The following NEK9 variants were observed in gnomAD, a reference collection of about 807,000 sequenced individuals.
NEK9 encodes serine/threonine-protein kinase Nek9.
In NEK9, 75 loss-of-function variants were observed where a neutral mutation model predicts 123.4. The observed-to-expected ratio is 0.61, with a 90% CI of 0.50 to 0.74. The LOEUF (loss-of-function observed/expected upper bound fraction) is 0.74, where lower values mean the gene tolerates loss of function less well. Ranked by LOEUF, NEK9 falls within the 30% of genes least tolerant of loss-of-function variation. The pLI, the probability that NEK9 is intolerant of heterozygous loss-of-function variation, is 0.00. For missense variants in NEK9, 952 were observed against 1,214.4 expected (o/e 0.78, Z 3.21); for synonymous variants, 438 against 458.7 (o/e 0.95, Z 0.58).
chr14:75,093,594 C>A (rs191065569), intron 18 of NEK9, among the ~76,000 whole-genome samples: 3 of 152,276 alleles, frequency 2.0e-5, no homozygotes, highest in Admixed American at 2.0e-4. Flanking sequence ...GCTGGGACTA[C>A]AGGTGTGCAC....
In NEK9 at chr14:75,091,521, G is replaced by A. The variant is rs1040563524; in HGVS notation, c.2234-43C>T. On this transcript the variant is annotated intron_variant, in intron 18 of 21. Coordinates refer to ENST00000238616, the MANE Select transcript of NEK9 (RefSeq NM_033116.6). ...CAGAAATAGACAGCTTTGCTATGCA[G>A]CAAGACAGATTTACCATTTGACAAC... 5.5e-6 allele frequency: 8 copies of A among 1,447,884 alleles called. No homozygotes were observed. The South Asian group carries it at 5.9e-5, about 11-fold the overall frequency. The allele number at this position is 1,447,884 out of a possible 1,614,324, so 89.7% of individuals were successfully genotyped here. A position where few individuals can be genotyped will look rare whatever the true frequency, so the allele number is the denominator to read the frequency against.
chr14:75,101,086 C>A lies in NEK9; in HGVS notation c.1908G>T (p.Lys636Asn), dbSNP rs1176001811. The A allele has an allele frequency of 2.5e-6, 4 of 1,614,266 alleles. No homozygotes were observed. In the African/African-American group the frequency reaches 4.0e-5, roughly 16 times the overall value. ...CCCCCAACAGGTTGATTCCCAGACG[C>A]TTCTTGTAGTTCCCAACGCCCAGCT... ...CGQLGVGNYK[K>N]RLGINLLGGP... Residue 636 changes from lysine to asparagine, a missense_variant, in exon 16 of 22, where the codon AAG (lysine) becomes AAT (asparagine). Around this residue, in one of 4 missense-constraint regions of NEK9, gnomAD observed 698 missense variants for 875.6 expected, o/e 0.80. Transcript: ENST00000238616.
chr14:75,090,972 A>G (rs1423867456), intron 19 of NEK9, among the ~76,000 whole-genome samples: 2 of 152,226 alleles, frequency 1.3e-5, no homozygotes, highest in East Asian at 3.8e-4. Context: ...TGACAGTATA[A>G]AATCTGTAAG....
At chr14:75,127,160 G>A, upstream of NEK9, 1 of 462,422 alleles carries the variant, frequency 2.2e-6, no homozygotes, top group Non-Finnish European at 3.8e-6. Flanking sequence ...TCCCGCTTTC[G>A]GGGAAGGCCT....
intron 4 of NEK9, 65 bp downstream of exon 4, chr14:75,120,445 G>T: frequency 1.9e-6 from 2 of 1,046,764 alleles, no homozygotes; most frequent in South Asian, 1.4e-5. Context: ...GTTGTTGGGG[G>T]GGTATCCACG....
chr14:75,088,399 T>C, intron 20 of NEK9, 81 bp downstream of exon 20: 1 of 1,442,634 alleles, frequency 6.9e-7, no homozygotes, highest in Non-Finnish European at 9.5e-7. Flanking sequence ...ACCCAAAAGC[T>C]AGAGCGAGGC....
intron 16 of NEK9, 136 bp from the exon 17 acceptor site, chr14:75,097,406 A>G: frequency 1.5e-6 from 1 of 674,988 alleles, no homozygotes; most frequent in South Asian, 3.9e-5. Flanking sequence ...TTATTCTCCT[A>G]TATAAAGCTT....
In NEK9 at chr14:75,079,931, A is replaced by T. The variant is rs1410073166; in HGVS notation, c.*4633T>A. 6.6e-6 allele frequency: 1 copy of T among 152,252 alleles called. No homozygotes were observed. The highest frequency in any genetic ancestry group is 1.5e-5 in the Non-Finnish European group (1 of 68,056). 9.4% of individuals were successfully genotyped at this position (152,252 alleles called of 1,614,324 possible). A position where few individuals can be genotyped will look rare whatever the true frequency, so the allele number is the denominator to read the frequency against. On this transcript the variant is annotated 3_prime_UTR_variant, in exon 22 of 22. Transcript: ENST00000238616. ...TGTTATATGTGGGGAGTGCTTTCTAAAAAGGAAGCAGTTGTTTGCTCTCAT... is the reference window on the plus strand; with the variant it reads ...TGTTATATGTGGGGAGTGCTTTCTATAAAGGAAGCAGTTGTTTGCTCTCAT...
Position 75,114,281 on chromosome 14 carries a change from T to C in NEK9, c.795A>G (p.Gln265=). 5 of 1,614,082 alleles carry C rather than the reference T, an allele frequency of 3.1e-6. No individual in the cohort carries two copies. The highest frequency in any genetic ancestry group is 4.2e-6 in the Non-Finnish European group (5 of 1,179,966). The change falls in exon 7 of 22, where the codon CAA becomes CAG. Residue 265 remains glutamine, a synonymous_variant. Coordinates refer to ENST00000238616, the MANE Select transcript of NEK9 (RefSeq NM_033116.6). ...AGTCAACTTCCATGGCCCGAATTCC[T>C]TGCACGATCTTCACACACAGGTTAA... ...NPLNLCVKIV[Q]GIRAMEVDSS... is the part of the protein sequence containing the mutation.
chr14:75,082,756 G>A lies in NEK9; in HGVS notation c.*1808C>T, dbSNP rs1893903302. 5.2e-6 allele frequency: 2 copies of A among 381,308 alleles called. No individual in the cohort carries two copies. Among genetic ancestry groups the A allele is most frequent in the Non-Finnish European group, 9.3e-6 (2 of 215,518 alleles). The allele number at this position is 381,308 out of a possible 1,614,324, so 23.6% of individuals were successfully genotyped here. A position where few individuals can be genotyped will look rare whatever the true frequency, so the allele number is the denominator to read the frequency against. On this transcript the variant is annotated 3_prime_UTR_variant, in exon 22 of 22. Coordinates refer to ENST00000238616, the MANE Select transcript of NEK9 (RefSeq NM_033116.6). ...GGCCTGCTGAGATGATGAGCATGAG[G>A]ATACAGGGACATGACAGGTCAATCG...
At chr14:75,111,271 T>C (rs1276895074) in intron 8 of NEK9, among the ~76,000 whole-genome samples, 2 of 152,178 alleles carry the variant, frequency 1.3e-5, no homozygotes, top group Admixed American at 6.5e-5. Flanking sequence ...CCCAGGGCTG[T>C]CATCCTACCT....
Position 75,101,059 on chromosome 14 carries a change from T to A in NEK9, c.1935A>T (p.Gly645=), listed in dbSNP as rs962726846. The change falls in exon 16 of 22, where the codon GGA becomes GGT. Residue 645 remains glycine (G), a synonymous_variant. Coordinates refer to ENST00000238616, the MANE Select transcript of NEK9 (RefSeq NM_033116.6). ...KKRLGINLLG[G]PLGGKQVIRV... ...TGATCACTTGCTTCCCACCAAGGGG[T>A]CCCCCCAACAGGTTGATTCCCAGAC... 3 of 1,613,924 alleles carry A rather than the reference T, an allele frequency of 1.9e-6. No individual in the cohort carries two copies. The highest frequency in any genetic ancestry group is 2.7e-5 in the African/African-American group (2 of 74,882).
At position 75,126,908 on chromosome 14, in the gene NEK9, C is replaced by T; in HGVS notation, c.14G>A (p.Gly5Asp). MSVL[G>D]EYERHCDSIN... ...GGAATCGCAGTGTCGCTCGTACTCG[C>T]CCAGCACCGACATGGCGGCGGCCGC... is the stretch of plus-strand genomic sequence containing the variant. Residue 5 changes from glycine (G) to aspartate (D), a missense_variant, in exon 1 of 22, where the codon GGC becomes GAC. Transcript: ENST00000238616. 1.3e-6 allele frequency: 2 copies of T among 1,491,440 alleles called. No homozygotes were observed. Among genetic ancestry groups the T allele is most frequent in the South Asian group, 1.3e-5 (1 of 79,236 alleles). 92.4% of individuals were successfully genotyped at this position (1,491,440 alleles called of 1,614,324 possible). A position where few individuals can be genotyped will look rare whatever the true frequency, so the allele number is the denominator to read the frequency against.
Position 75,120,528 on chromosome 14 carries a change from T to C in NEK9, c.506A>G (p.Lys169Arg). The C allele has an allele frequency of 6.2e-7, 1 of 1,612,280 alleles. No individual in the cohort carries two copies. The highest frequency in any genetic ancestry group is 8.5e-7 in the Non-Finnish European group (1 of 1,178,708). Residue 169 changes from lysine (K) to arginine (R), a missense_variant, in exon 4 of 22, where the codon AAA (lysine) becomes AGA (arginine). By Grantham distance (26) the Lys-to-Arg change is conservative. Around this residue, in one of 4 missense-constraint regions of NEK9, gnomAD observed 106 missense variants for 153.0 expected, o/e 0.69. Transcript: ENST00000238616. ...QIVSAVSCIH[K>R]AGILHRDIKT... is the part of the protein sequence containing the mutation. ...TTCTTACCTATGAAGGATTCCAGCT[T>C]TATGGATGCAGCTCACTGCTGAAAC...
intron 18 of NEK9, 98 bp from the exon 19 acceptor site, chr14:75,091,576 C>T (rs1894219576): frequency 9.5e-7 from 1 of 1,053,778 alleles, no homozygotes; most frequent in African/African-American, 1.6e-5. Context: ...TGCCTATAAG[C>T]TGCATGAAGT....
rs1354506427 is a variant in NEK9 at position 75,117,391 on chromosome 14, C to CAGCTTAATTA, written c.631-75_631-66dup. The CAGCTTAATTA allele has an allele frequency of 2.6e-5, 39 of 1,507,508 alleles. No homozygotes were observed. In the East Asian group the frequency reaches 3.5e-4, roughly 14 times the overall value. The allele number at this position is 1,507,508 out of a possible 1,614,324, so 93.4% of individuals were successfully genotyped here. On this transcript the variant is annotated intron_variant, in intron 5 of 21. Transcript: ENST00000238616. The stretch of plus-strand genomic sequence containing the variant: ...TGAGGTAACTATGTTAACATTTCAA[C>CAGCTTAATTA]AGCTTAATTAAATTTCCTAGGAACT...
Position 75,088,648 on chromosome 14 carries a change from A to G in NEK9, c.2443-7T>C, listed in dbSNP as rs779661174. ...ATTCTGCATTTTCCAGCTCCTATGT[A>G]TATGAGAAAGAATCTCATTAGTCTG... On this transcript the variant is annotated splice_region_variant and splice_polypyrimidine_tract_variant and intron_variant, in intron 19 of 21. Coordinates refer to ENST00000238616, the MANE Select transcript of NEK9 (RefSeq NM_033116.6). 27 of 1,611,240 alleles carry G rather than the reference A, an allele frequency of 1.7e-5. No individual in the cohort carries two copies. The highest frequency in any genetic ancestry group is 8.4e-5 in the Admixed American group (5 of 59,490).
chr14:75,110,632 G>C (rs1247713500), intron 8 of NEK9, among the ~76,000 whole-genome samples: 2 of 152,004 alleles, frequency 1.3e-5, no homozygotes, highest in East Asian at 3.9e-4. Flanking sequence ...GGCTGGAACA[G>C]AGAGCCTTGA....
chr14:75,112,846 C>T (rs1370389376), intron 8 of NEK9, among the ~76,000 whole-genome samples: 1 of 151,932 alleles, frequency 6.6e-6, no homozygotes, highest in African/African-American at 2.4e-5. Context: ...AACAAAAAAA[C>T]CAAAGGACCA....
Sources: allele counts gnomAD v4.1 joint callset (sites outside exome capture counted in the v4.1 genomes callset), GRCh38; gene constraint gnomAD v4.1.1; regional missense constraint gnomAD v4.1.1; transcripts MANE v1.5; gene names NCBI Gene and HGNC (gene_info 2026-07-23, HGNC 2026-07-21).